The following FAM131B variants were observed in gnomAD, a reference collection of about 807,000 sequenced individuals.
FAM131B encodes family with sequence similarity 131 member B.
A neutral mutation model predicts 42.0 loss-of-function variants in FAM131B; 19 were observed. The observed-to-expected ratio is 0.45, with a 90% confidence interval of 0.32 to 0.66. The LOEUF is 0.66. Ranked by LOEUF, FAM131B falls within the 30% of genes least tolerant of loss-of-function variation. FAM131B has a pLI of 0.05. For synonymous variants in FAM131B, 183 were observed against 177.6 expected (o/e 1.03, Z -0.24); for missense variants, 370 against 468.4 (o/e 0.79, Z 1.94).
Position 143,354,696 on chromosome 7 carries a change from G to A in FAM131B, c.*1854C>T, listed in dbSNP as rs1803573908. On this transcript the variant is annotated 3_prime_UTR_variant, in exon 7 of 7. Coordinates refer to ENST00000443739, the MANE Select transcript of FAM131B (RefSeq NM_001031690.3). ...CCCTGTACAGGCAGCATTCGGTTAG[G>A]TGACTGCACCTGCCTTGGTTCACCT... 2 of 152,212 alleles carry A rather than the reference G, an allele frequency of 1.3e-5. No homozygotes were observed. The highest frequency in any genetic ancestry group is 1.3e-4 in the Admixed American group (2 of 15,278). The allele number at this position is 152,212 out of a possible 1,614,324, so 9.4% of individuals were successfully genotyped here.
At chr7:143,382,223 G>A in the FAM131B span, 1 of 1,604,884 alleles carries the variant, frequency 6.2e-7, no homozygotes, top group Non-Finnish European at 8.5e-7. Context: ...GACCCCGGCC[G>A]ACGTCTTTCT....
chr7:143,356,482 G>T lies in FAM131B; in HGVS notation c.*68C>A, dbSNP rs1187910999. ...CCAGTTTCAGCTGTACTGCTGGGGG[G>T]AGGGAGGGTATGGGTCACAGCCATG... is the stretch of plus-strand genomic sequence containing the variant. On this transcript the variant is annotated 3_prime_UTR_variant, in exon 7 of 7. Coordinates refer to ENST00000443739, the MANE Select transcript of FAM131B (RefSeq NM_001031690.3). This position sits in a 1 kb window ranked among gnomAD's most constrained non-coding sequence, Gnocchi z 4.4. 2 of 1,173,376 alleles carry T rather than the reference G, an allele frequency of 1.7e-6. No homozygotes were observed. The highest frequency in any genetic ancestry group is 1.3e-6 in the Non-Finnish European group (1 of 799,410). The allele number at this position is 1,173,376 out of a possible 1,614,324, so 72.7% of individuals were successfully genotyped here. A position where few individuals can be genotyped will look rare whatever the true frequency, so the allele number is the denominator to read the frequency against.
At chr7:143,377,756 C>A in the FAM131B span, among the ~76,000 whole-genome samples, 2 of 152,118 alleles carry the variant, frequency 1.3e-5, no homozygotes, top group Non-Finnish European at 2.9e-5. Flanking sequence ...ATCTGTCACC[C>A]AGGCTGGTAT....
the FAM131B span, chr7:143,380,432 C>T: frequency 3.0e-6 from 3 of 985,272 alleles, no homozygotes; most frequent in Non-Finnish European, 3.6e-6. The surrounding 1 kb of genome is among the most constrained non-coding windows in gnomAD (Gnocchi z 5.0). Flanking sequence ...GCCCCACCGT[C>T]GCCCGGGGTC....
Position 143,356,402 on chromosome 7 carries a change from G to A in FAM131B, c.*148C>T. On this transcript the variant is annotated 3_prime_UTR_variant, in exon 7 of 7. Coordinates refer to ENST00000443739, the MANE Select transcript of FAM131B (RefSeq NM_001031690.3). This position sits in a 1 kb window ranked among gnomAD's most constrained non-coding sequence, Gnocchi z 4.4. ...TAAGCCTGGATAAAATCCCATCCTG[G>A]TCCTCCATTTCCAGGAGAGGACTGG... is the stretch of plus-strand genomic sequence containing the variant. 3 of 628,318 alleles carry A rather than the reference G, an allele frequency of 4.8e-6. No homozygotes were observed. The highest frequency in any genetic ancestry group is 8.3e-6 in the Non-Finnish European group (3 of 360,102). The allele number at this position is 628,318 out of a possible 1,614,324, so 38.9% of individuals were successfully genotyped here.
chr7:143,381,578 G>GC, the FAM131B span: 7 of 1,609,664 alleles, frequency 4.3e-6, no homozygotes, highest in South Asian at 6.6e-5. Flanking sequence ...GGCCATGGCG[G>GC]CCCCCCGCCC....
upstream of FAM131B, among the ~76,000 whole-genome samples, chr7:143,366,559 CTTTT>C (rs34519209): frequency 7.2e-6 from 1 of 138,334 alleles, no homozygotes; most frequent in Non-Finnish European, 1.6e-5. Flanking sequence ...GGTCTGTATT[CTTTT>C]TTTTTTTTTT....
upstream of FAM131B, among the ~76,000 whole-genome samples, chr7:143,367,090 C>T (rs975405604): frequency 6.6e-6 from 1 of 152,180 alleles, no homozygotes; most frequent in African/African-American, 2.4e-5. Context: ...AGTTCTCCCC[C>T]GACCCCTACC....
the FAM131B span, chr7:143,381,561 C>A: frequency 1.4e-5 from 22 of 1,608,410 alleles, no homozygotes; most frequent in South Asian, 2.2e-4. Flanking sequence ...CCCCAGCAGC[C>A]CGGCCCGGCC....
the FAM131B span, chr7:143,380,167 A>G: frequency 1.0e-6 from 1 of 985,090 alleles, no homozygotes; most frequent in Non-Finnish European, 1.2e-6. The surrounding 1 kb of genome is among the most constrained non-coding windows in gnomAD (Gnocchi z 5.0). Flanking sequence ...AGCGGGCGAA[A>G]GGCCATGACT....
In FAM131B at chr7:143,359,132, C is replaced by A; in HGVS notation, c.269-108G>T. 1 of 1,218,784 alleles carries A rather than the reference C, an allele frequency of 8.2e-7. No individual in the cohort carries two copies. Among genetic ancestry groups the A allele is most frequent in the South Asian group, 1.4e-5 (1 of 72,484 alleles). 75.5% of individuals were successfully genotyped at this position (1,218,784 alleles called of 1,614,324 possible). On this transcript the variant is annotated intron_variant, in intron 4 of 6. Transcript: ENST00000443739. This position sits in a 1 kb window ranked among gnomAD's most constrained non-coding sequence, Gnocchi z 5.4. ...CCCCATGAGGCTCCATCCCACTGGG[C>A]CAGGCTCCCCTAAGGACTCCATAGA...
At position 143,362,537 on chromosome 7, in the gene FAM131B, G is replaced by C. The variant is rs2116487663; in HGVS notation, c.28+39C>G. The C allele has an allele frequency of 2.6e-6, 3 of 1,148,988 alleles. No individual in the cohort carries two copies. The highest frequency in any genetic ancestry group is 3.3e-6 in the Non-Finnish European group (3 of 914,368). The allele number at this position is 1,148,988 out of a possible 1,614,324, so 71.2% of individuals were successfully genotyped here. A position where few individuals can be genotyped will look rare whatever the true frequency, so the allele number is the denominator to read the frequency against. On this transcript the variant is annotated intron_variant, in intron 1 of 6. Coordinates refer to ENST00000443739, the MANE Select transcript of FAM131B (RefSeq NM_001031690.3). The surrounding 1 kb of genome is among the most constrained non-coding windows in gnomAD (Gnocchi z 7.7). ...GGGGAGGGGGTCGGAGGGCGGCCCG[G>C]GGGGCCCAGCCCTGCCCCCGCCCGG...
chr7:143,366,558 T>G (rs1215387683), upstream of FAM131B, among the ~76,000 whole-genome samples: 1 of 142,998 alleles, frequency 7.0e-6, no homozygotes, highest in East Asian at 2.2e-4. Context: ...AGGTCTGTAT[T>G]CTTTTTTTTT....
chr7:143,372,644 A>C, the FAM131B span, among the ~76,000 whole-genome samples: 1 of 152,158 alleles, frequency 6.6e-6, no homozygotes, highest in Non-Finnish European at 1.5e-5. Flanking sequence ...ACTTAGTGCC[A>C]AAAAAGTAAA....
At chr7:143,365,001 C>T (rs1804147833), upstream of FAM131B, among the ~76,000 whole-genome samples, 1 of 152,214 alleles carries the variant, frequency 6.6e-6, no homozygotes, top group Non-Finnish European at 1.5e-5. Flanking sequence ...CAAAGCTTCA[C>T]ACTGATCCCC....
the FAM131B span, among the ~76,000 whole-genome samples, chr7:143,368,288 T>G: frequency 6.6e-6 from 1 of 152,190 alleles, no homozygotes; most frequent in Non-Finnish European, 1.5e-5. Context: ...CCAGATGGGA[T>G]TTTTAAAGGT....
At chr7:143,360,376 T>C in intron 1 of FAM131B, 4 of 1,394,216 alleles carry the variant, frequency 2.9e-6, no homozygotes, top group South Asian at 3.1e-5. Flanking sequence ...ATGGCCTTAT[T>C]TGTTGTTGTT....
At chr7:143,367,096 C>A (rs1264041856), upstream of FAM131B, among the ~76,000 whole-genome samples, 1 of 152,170 alleles carries the variant, frequency 6.6e-6, no homozygotes, top group East Asian at 1.9e-4. Context: ...CCCCCGACCC[C>A]TACCTGCCAT....
At position 143,356,201 on chromosome 7, in the gene FAM131B, T is replaced by TCG; in HGVS notation, c.*348_*349insCG. ...AAGACGAAATCGGGGCGTGAAGAACTGAGATCCAGTCTTGAGCACAGCTGC... is the reference window on the plus strand; with the variant it reads ...AAGACGAAATCGGGGCGTGAAGAACTCGGAGATCCAGTCTTGAGCACAGCTGC... On this transcript the variant is annotated 3_prime_UTR_variant, in exon 7 of 7. Coordinates refer to ENST00000443739, the MANE Select transcript of FAM131B (RefSeq NM_001031690.3). The surrounding 1 kb of genome is among the most constrained non-coding windows in gnomAD (Gnocchi z 4.4). 3.7e-6 allele frequency: 1 copy of TCG among 267,392 alleles called. No homozygotes were observed. Among genetic ancestry groups the TCG allele is most frequent in the Admixed American group, 4.8e-5 (1 of 20,912 alleles). The allele number at this position is 267,392 out of a possible 1,614,324, so 16.6% of individuals were successfully genotyped here.
Sources: allele counts gnomAD v4.1 joint callset (sites outside exome capture counted in the v4.1 genomes callset), GRCh38; gene constraint gnomAD v4.1.1; non-coding constraint Gnocchi (gnomAD v3.1); transcripts MANE v1.5; gene names NCBI Gene and HGNC (gene_info 2026-07-23, HGNC 2026-07-21).